Variants in TRPC6 observed in about 807,000 individuals in gnomAD.
TRPC6 encodes transient receptor potential cation channel subfamily C member 6.
A neutral mutation model predicts 90.7 loss-of-function variants in TRPC6; 55 were observed. The ratio of observed to expected loss-of-function variants is 0.61; its 90% CI spans 0.49 to 0.76. The LOEUF (loss-of-function observed/expected upper bound fraction) is 0.76. Ranked by LOEUF, TRPC6 falls within the 30% of genes least tolerant of loss-of-function variation. The probability of loss-of-function intolerance (pLI) is 0.00; values close to 1 mark genes in which losing one functional copy is unlikely to be tolerated. For missense variants in TRPC6, 989 were observed against 1,122.7 expected (o/e 0.88, Z 1.70); for synonymous variants, 393 against 393.0 (o/e 1.00, Z 0.00).
chr11:101,576,685 G>A (rs991399939), intron 1 of TRPC6, among the ~76,000 whole-genome samples: 3 of 152,018 alleles, frequency 2.0e-5, no homozygotes, highest in African/African-American at 7.2e-5. Context: ...TATGAAAGAG[G>A]GAGAAAAATA....
At chr11:101,492,044 T>G (rs1296132701) in intron 2 of TRPC6, among the ~76,000 whole-genome samples, 3 of 151,688 alleles carry the variant, frequency 2.0e-5, no homozygotes, top group African/African-American at 7.3e-5. Context: ...TTTCACCGTG[T>G]TAGCCAGGAT....
Position 101,572,761 on chromosome 11 carries a change from G to A in TRPC6, c.170+10573C>T, listed in dbSNP as rs186302929. On this transcript the variant is annotated intron_variant, in intron 1 of 12. Transcript: ENST00000344327. ...CTCTCAGCAAACTAACACAAGAACCGAAAACCAAACACCGCATGTTCTCAC... is the reference window on the plus strand; with the variant it reads ...CTCTCAGCAAACTAACACAAGAACCAAAAACCAAACACCGCATGTTCTCAC... 2.5e-3 allele frequency among the ~76,000 whole-genome samples: 376 copies of A among 152,156 alleles called. 5 individuals are homozygous for A. The highest frequency in any genetic ancestry group is 0.018 in the Admixed American group (281 of 15,272).
chr11:101,546,505 G>C (rs12807755), intron 1 of TRPC6, among the ~76,000 whole-genome samples: 15,567 of 152,126 alleles, frequency 0.1, 906 homozygotes, highest in Middle Eastern at 0.14. Flanking sequence ...AGTGAATGAA[G>C]TGACCAGAGA....
intron 1 of TRPC6, among the ~76,000 whole-genome samples, chr11:101,536,883 G>A (rs190938762): frequency 2.0e-5 from 3 of 152,346 alleles, no homozygotes; most frequent in Non-Finnish European, 4.4e-5. Flanking sequence ...TAGATGCAAG[G>A]AGACCAGTTA....
Position 101,504,074 on chromosome 11 carries a change from C to T in TRPC6, c.895G>A (p.Glu299Lys). ...AGAACTGCCAGTTCATTGCTAAGTT[C>T]TAAAGCCGTCATGACTGGATCTTCA... ...SSEDPVMTAL[E>K]LSNELAVLAN... Residue 299 changes from glutamate to lysine, a missense_variant, in exon 2 of 13, where the codon GAA becomes AAA. By Grantham distance (56) the Glu-to-Lys change is moderately conservative. Transcript: ENST00000344327. The T allele has an allele frequency of 6.2e-7, 1 of 1,614,082 alleles. No homozygotes were observed. The highest frequency in any genetic ancestry group is 8.5e-7 in the Non-Finnish European group (1 of 1,179,968).
At chr11:101,471,482 A>G in intron 8 of TRPC6, 96 bp from the exon 9 acceptor site, 2 of 1,289,028 alleles carry the variant, frequency 1.6e-6, no homozygotes, top group South Asian at 1.2e-5. Context: ...GACAATGCCT[A>G]TAAACACTCT....
intron 5 of TRPC6, among the ~76,000 whole-genome samples, chr11:101,477,063 G>A (rs577241151): frequency 1.1e-4 from 17 of 151,954 alleles, no homozygotes; most frequent in African/African-American, 2.9e-4. Context: ...GTCTCCCCCC[G>A]GCTGCTCTCA....
At chr11:101,566,849 G>A (rs1394176636) in intron 1 of TRPC6, among the ~76,000 whole-genome samples, 3 of 152,164 alleles carry the variant, frequency 2.0e-5, no homozygotes, top group Admixed American at 6.5e-5. Context: ...CCCAGATACT[G>A]GGCTTTTCCC....
At chr11:101,556,123 A>C (rs1230940023) in intron 1 of TRPC6, among the ~76,000 whole-genome samples, 1 of 152,192 alleles carries the variant, frequency 6.6e-6, no homozygotes, top group Non-Finnish European at 1.5e-5. Flanking sequence ...AAAAGAAGAA[A>C]GATCTCAAAT....
chr11:101,575,858 T>C (rs955340354), intron 1 of TRPC6, among the ~76,000 whole-genome samples: 2 of 152,170 alleles, frequency 1.3e-5, no homozygotes, highest in Admixed American at 6.5e-5. Flanking sequence ...ACAAGGAATG[T>C]TGGTTCAGTA....
At chr11:101,526,371 A>T (rs554222070) in intron 1 of TRPC6, among the ~76,000 whole-genome samples, 1 of 152,320 alleles carries the variant, frequency 6.6e-6, no homozygotes, top group Admixed American at 6.5e-5. Context: ...AAACTTTTCT[A>T]TAAGATACAT....
chr11:101,452,254 T>C lies in TRPC6; in HGVS notation c.*701A>G, dbSNP rs1330212039. ...CACATTAGCCACAAACTAGGGCAAG[T>C]ACTTTATGTCTGTGTGTACACATTT... On this transcript the variant is annotated 3_prime_UTR_variant, in exon 13 of 13. Transcript: ENST00000344327. The C allele has an allele frequency of 6.7e-6, 1 of 149,518 alleles. No homozygotes were observed. Among genetic ancestry groups the C allele is most frequent in the Non-Finnish European group, 1.5e-5 (1 of 67,334 alleles). 9.3% of individuals were successfully genotyped at this position (149,518 alleles called of 1,614,324 possible).
chr11:101,485,809 G>C (rs1859666726), intron 4 of TRPC6, among the ~76,000 whole-genome samples: 1 of 152,028 alleles, frequency 6.6e-6, no homozygotes, highest in East Asian at 1.9e-4. Context: ...TTGAAATAAA[G>C]CTATCTACCT....
At chr11:101,583,160 C>T in intron 1 of TRPC6, 174 bp downstream of exon 1, 3 of 985,152 alleles carry the variant, frequency 3.0e-6, no homozygotes, top group African/African-American at 1.7e-5. Flanking sequence ...ACTCCCCGCG[C>T]GCCCCTCCAC....
At chr11:101,573,529 C>G (rs528323333) in intron 1 of TRPC6, among the ~76,000 whole-genome samples, 2 of 152,244 alleles carry the variant, frequency 1.3e-5, no homozygotes, top group African/African-American at 4.8e-5. Flanking sequence ...CTGGCATAGT[C>G]TTATCTGTGT....
intron 1 of TRPC6, among the ~76,000 whole-genome samples, chr11:101,538,928 T>G (rs1409174161): frequency 6.6e-6 from 1 of 152,206 alleles, no homozygotes. Context: ...GGAAGTGAAC[T>G]ATTTCTAAAG....
Position 101,520,158 on chromosome 11 carries a change from T to C in TRPC6, c.171-15360A>G, listed in dbSNP as rs181363956. Among the ~76,000 whole-genome samples the C allele has an allele frequency of 1.5e-3, 233 of 152,174 alleles. 1 individual carries two copies. The highest frequency in any genetic ancestry group is 2.2e-3 in the Non-Finnish European group (153 of 68,014). The stretch of plus-strand genomic sequence containing the variant: ...GGCCTGGTGGGAGGTGATTAGATCA[T>C]GGGGGTGGATTTTCCCCTTTCCATT... On this transcript the variant is annotated intron_variant, in intron 1 of 12. Coordinates refer to ENST00000344327, the MANE Select transcript of TRPC6 (RefSeq NM_004621.6).
chr11:101,495,589 GTAATTA>G (rs1194192233), intron 2 of TRPC6, among the ~76,000 whole-genome samples: 10 of 137,348 alleles, frequency 7.3e-5, no homozygotes, highest in East Asian at 2.1e-4. Context: ...CAGATCAATG[GTAATTA>G]TTATTATTAT....
intron 1 of TRPC6, among the ~76,000 whole-genome samples, chr11:101,537,203 C>T (rs1408552624): frequency 6.6e-6 from 1 of 152,084 alleles, no homozygotes; most frequent in African/African-American, 2.4e-5. Flanking sequence ...TTCAAGACTA[C>T]ATTAACCTCT....
Sources: gnomAD v4.1 joint callset for allele counts (sites outside exome capture counted in the v4.1 genomes callset) on GRCh38, gnomAD v4.1.1 for gene constraint, MANE v1.5 for transcripts, NCBI Gene and HGNC (gene_info 2026-07-23, HGNC 2026-07-21) for gene names.